ZNF670: variants seen among roughly 807,000 people sequenced by gnomAD.
The protein encoded by ZNF670 is zinc finger protein 670.
ZNF670 carries 7 observed loss-of-function variants against 10.9 expected under a neutral mutation model. That is an observed-to-expected ratio of 0.64 (90% CI 0.36 to 1.20). The LOEUF (loss-of-function observed/expected upper bound fraction) is 1.20, where lower values mean the gene tolerates loss of function less well. ZNF670 is among the 50% of genes most tolerant of loss of function. The pLI is 0.02. For synonymous variants in ZNF670, 136 were observed against 152.7 expected (o/e 0.89, Z 0.81); for missense variants, 446 against 458.6 (o/e 0.97, Z 0.25).
intron 1 of ZNF670, among the ~76,000 whole-genome samples, chr1:247,049,359 C>A (rs1022958254): frequency 6.6e-6 from 1 of 151,938 alleles, no homozygotes; most frequent in Non-Finnish European, 1.5e-5. Context: ...AGCCACCATG[C>A]CTGGCCCTCC....
rs1670118653 is a variant in ZNF670 at position 247,035,160 on chromosome 1, G to A, written c.*2289C>T. 6.6e-6 allele frequency among the ~76,000 whole-genome samples: 1 copy of A among 152,212 alleles called. No individual in the cohort carries two copies. Among genetic ancestry groups the A allele is most frequent in the Non-Finnish European group, 1.5e-5 (1 of 68,034 alleles). On this transcript the variant is annotated 3_prime_UTR_variant, in exon 4 of 4. Transcript: ENST00000366503. ...AGTTAAAGCTGAAAAGATATCATCA[G>A]TCATGGTTGGTTCATTCTGTTGGTA...
At chr1:247,073,532 G>A (rs1366392867) in intron 1 of ZNF670, among the ~76,000 whole-genome samples, 2 of 152,170 alleles carry the variant, frequency 1.3e-5, no homozygotes, top group African/African-American at 4.8e-5. Context: ...TTTATCCCCT[G>A]CTCACAGTGA....
intron 1 of ZNF670, among the ~76,000 whole-genome samples, chr1:247,056,115 CAAAA>C (rs35807997): frequency 5.0e-5 from 7 of 140,820 alleles, no homozygotes; most frequent in African/African-American, 1.3e-4. Context: ...TCTTACAGAC[CAAAA>C]AAAAAAAAAA....
chr1:247,042,420 C>G (rs1215722650), intron 1 of ZNF670, among the ~76,000 whole-genome samples: 1 of 152,184 alleles, frequency 6.6e-6, no homozygotes, highest in Non-Finnish European at 1.5e-5. Flanking sequence ...GAAATTATTA[C>G]TCAGAAAATT....
At chr1:247,072,182 A>G (rs1671133561) in intron 1 of ZNF670, among the ~76,000 whole-genome samples, 1 of 151,006 alleles carries the variant, frequency 6.6e-6, no homozygotes, top group Admixed American at 6.6e-5. Flanking sequence ...ACAGCGTCTC[A>G]CTATGTTGCC....
chr1:247,073,767 C>G (rs1203375105), intron 1 of ZNF670, among the ~76,000 whole-genome samples: 1 of 152,210 alleles, frequency 6.6e-6, no homozygotes, highest in Non-Finnish European at 1.5e-5. Context: ...ACAACACTGC[C>G]CACATTGCAC....
intron 1 of ZNF670, among the ~76,000 whole-genome samples, chr1:247,050,229 CTG>C (rs1270433169): frequency 1.3e-5 from 2 of 152,126 alleles, no homozygotes; most frequent in East Asian, 3.9e-4. Flanking sequence ...GGACTTAAGA[CTG>C]TGATATTTTC....
chr1:247,049,812 T>A (rs930878455), intron 1 of ZNF670, among the ~76,000 whole-genome samples: 1 of 152,246 alleles, frequency 6.6e-6, no homozygotes, highest in African/African-American at 2.4e-5. Context: ...ATTATTTAAT[T>A]TCCATGTATT....
Position 247,043,050 on chromosome 1 carries a change from A to T in ZNF670, c.4-3513T>A, listed in dbSNP as rs139679567. 1,759 of 1,069,210 alleles carry T rather than the reference A, an allele frequency of 1.6e-3. 18 individuals are homozygous for T. The highest frequency in any genetic ancestry group is 1.9e-4 in the Non-Finnish European group (135 of 695,278). The allele number at this position is 1,069,210 out of a possible 1,614,324, so 66.2% of individuals were successfully genotyped here. A position where few individuals can be genotyped will look rare whatever the true frequency, so the allele number is the denominator to read the frequency against. On this transcript the variant is annotated intron_variant, in intron 1 of 3. Coordinates refer to ENST00000366503, the MANE Select transcript of ZNF670 (RefSeq NM_033213.5). ...ATATAGGTGCAGTATATTCCCACAGACCCAATCAACACAATACAGTGAGGC... is the reference window on the plus strand; with the variant it reads ...ATATAGGTGCAGTATATTCCCACAGTCCCAATCAACACAATACAGTGAGGC...
At chr1:247,057,884 C>CA (rs1042730591) in intron 1 of ZNF670, among the ~76,000 whole-genome samples, 1 of 150,746 alleles carries the variant, frequency 6.6e-6, no homozygotes, top group Non-Finnish European at 1.5e-5. Context: ...TTAATGGGTA[C>CA]AAAAAAAATA....
At chr1:247,038,953 C>T in intron 2 of ZNF670, 83 bp from the exon 3 acceptor site, 1 of 1,031,006 alleles carries the variant, frequency 9.7e-7, no homozygotes, top group Non-Finnish European at 1.4e-6. Context: ...ACACTGTGAC[C>T]ATAACTAATT....
chr1:247,043,975 A>G, intron 1 of ZNF670: 2 of 193,796 alleles, frequency 1.0e-5, no homozygotes, highest in South Asian at 1.0e-4. Flanking sequence ...AACCTGGGTA[A>G]ACACCGAAAA....
chr1:247,043,525 T>C lies in ZNF670; in HGVS notation c.4-3988A>G. ...AAAGCTGGGATAAGATTTTAGCCCTTGTTCCTGAAACAATTCAGGATGAAC... is the reference window on the plus strand; with the variant it reads ...AAAGCTGGGATAAGATTTTAGCCCTCGTTCCTGAAACAATTCAGGATGAAC... On this transcript the variant is annotated intron_variant, in intron 1 of 3. Transcript: ENST00000366503. 3 of 668,182 alleles carry C rather than the reference T, an allele frequency of 4.5e-6. No homozygotes were observed. The Admixed American group carries it at 5.7e-5, about 13-fold the overall frequency. 41.4% of individuals were successfully genotyped at this position (668,182 alleles called of 1,614,324 possible).
chr1:247,059,149 T>TA (rs140052701), intron 1 of ZNF670, among the ~76,000 whole-genome samples: 49,621 of 151,648 alleles, frequency 0.33, 8,929 homozygotes, highest in African/African-American at 0.46. Context: ...TATTAAAAAA[T>TA]ACACACCCCA....
At chr1:247,067,841 C>CAAAAA (rs61211824) in intron 1 of ZNF670, among the ~76,000 whole-genome samples, 126 of 85,216 alleles carry the variant, frequency 1.5e-3, no homozygotes, top group Non-Finnish European at 1.6e-3. Context: ...GACTCCGTCT[C>CAAAAA]AAAAAAAAAA....
intron 1 of ZNF670, among the ~76,000 whole-genome samples, chr1:247,041,577 T>C (rs185147201): frequency 1.3e-5 from 2 of 152,328 alleles, no homozygotes; most frequent in Non-Finnish European, 2.9e-5. Context: ...AGTCAACTGA[T>C]ACCCTCCATT....
chr1:247,058,738 A>T (rs1412365800), intron 1 of ZNF670, among the ~76,000 whole-genome samples: 29 of 151,738 alleles, frequency 1.9e-4, no homozygotes, highest in Admixed American at 1.9e-3. Flanking sequence ...CACAGTGAAC[A>T]TTATGAACAA....
At chr1:247,038,505 T>C in intron 3 of ZNF670, 78 bp from the exon 4 acceptor site, 1 of 1,399,406 alleles carries the variant, frequency 7.1e-7, no homozygotes, top group South Asian at 1.4e-5. Context: ...AAAATGCAAG[T>C]TTCCTGCCAT....
chr1:247,041,712 C>CA (rs1416946103), intron 1 of ZNF670, among the ~76,000 whole-genome samples: 2 of 151,920 alleles, frequency 1.3e-5, no homozygotes, highest in South Asian at 2.1e-4. Flanking sequence ...TTCCCAAAAG[C>CA]AAAAAAATAC....
Sources: allele counts gnomAD v4.1 joint callset (sites outside exome capture counted in the v4.1 genomes callset), GRCh38; gene constraint gnomAD v4.1.1; transcripts MANE v1.5; gene names NCBI Gene and HGNC (gene_info 2026-07-23, HGNC 2026-07-21).